Variants in ILDR1 observed in about 807,000 individuals in gnomAD.
ILDR1 encodes immunoglobulin like domain containing receptor 1.
A neutral mutation model predicts 62.4 loss-of-function variants in ILDR1; 56 were observed. The observed-to-expected ratio is 0.90, with a 90% CI of 0.72 to 1.12. The LOEUF (loss-of-function observed/expected upper bound fraction) is 1.12, where lower values mean the gene tolerates loss of function less well. ILDR1 is among the 50% of genes most tolerant of loss of function. ILDR1 has a pLI of 0.00. For missense variants in ILDR1, 736 were observed against 710.6 expected (o/e 1.04, Z -0.41); for synonymous variants, 284 against 277.8 (o/e 1.02, Z -0.22).
chr3:122,036,865 T>C, the ILDR1 span, among the ~76,000 whole-genome samples: 3 of 152,198 alleles, frequency 2.0e-5, no homozygotes, highest in Non-Finnish European at 4.4e-5. Context: ...CCAACTCCTC[T>C]GTGCAGCCTC....
At chr3:122,051,165 A>C in the ILDR1 span, among the ~76,000 whole-genome samples, 1 of 152,006 alleles carries the variant, frequency 6.6e-6, no homozygotes, top group African/African-American at 2.4e-5. Context: ...TCTGTAGTCC[A>C]TTTTCTCCCT....
At chr3:122,029,832 C>T in the ILDR1 span, among the ~76,000 whole-genome samples, 1 of 152,096 alleles carries the variant, frequency 6.6e-6, no homozygotes, top group African/African-American at 2.4e-5. Flanking sequence ...CTTGACATTT[C>T]CCCTGACATA....
the ILDR1 span, among the ~76,000 whole-genome samples, chr3:122,057,569 T>C: frequency 1.3e-5 from 2 of 152,328 alleles, no homozygotes; most frequent in South Asian, 4.1e-4. Context: ...CTTTTCAATT[T>C]GAATCCCATC....
At chr3:121,996,129 G>A (rs1303679362) in intron 5 of ILDR1, among the ~76,000 whole-genome samples, 1 of 152,100 alleles carries the variant, frequency 6.6e-6, no homozygotes, top group Non-Finnish European at 1.5e-5. Context: ...CCTACCCACT[G>A]TACCCCTTTA....
intron 1 of ILDR1, among the ~76,000 whole-genome samples, chr3:122,015,773 A>G (rs1481812234): frequency 1.3e-5 from 2 of 152,186 alleles, no homozygotes; most frequent in Non-Finnish European, 2.9e-5. Flanking sequence ...ACAGTCTACA[A>G]TCAGATTGGG....
At chr3:121,994,665 C>T (rs2071411071) in intron 5 of ILDR1, among the ~76,000 whole-genome samples, 1 of 152,142 alleles carries the variant, frequency 6.6e-6, no homozygotes. Flanking sequence ...GGGCCATAGG[C>T]CAATAAAACT....
chr3:121,999,161 G>C (rs913474220), intron 5 of ILDR1, among the ~76,000 whole-genome samples: 9 of 152,224 alleles, frequency 5.9e-5, no homozygotes, highest in Admixed American at 5.2e-4. Context: ...TGTAGATCAG[G>C]TTTTGTTTCT....
At chr3:122,028,291 G>A in the ILDR1 span, among the ~76,000 whole-genome samples, 2 of 136,864 alleles carry the variant, frequency 1.5e-5, no homozygotes, top group Non-Finnish European at 3.0e-5. Flanking sequence ...AGCCGCGATC[G>A]CACCACTGCA....
the ILDR1 span, among the ~76,000 whole-genome samples, chr3:122,046,107 A>C: frequency 6.6e-6 from 1 of 151,320 alleles, no homozygotes; most frequent in Admixed American, 6.6e-5. Context: ...CTTTTAGGGC[A>C]GGCCTAGTGG....
chr3:122,001,184 C>A, intron 5 of ILDR1, 124 bp downstream of exon 5: 2 of 1,138,022 alleles, frequency 1.8e-6, no homozygotes, highest in South Asian at 2.7e-5. Flanking sequence ...TCCTCTGTCC[C>A]TATGATGGGA....
At chr3:122,007,903 AT>A (rs1243288226) in intron 1 of ILDR1, among the ~76,000 whole-genome samples, 2 of 151,946 alleles carry the variant, frequency 1.3e-5, no homozygotes, top group Admixed American at 6.6e-5. Context: ...GGGCCTCCCT[AT>A]TTTTTTCCTA....
At chr3:122,010,201 T>C (rs2071683597) in intron 1 of ILDR1, among the ~76,000 whole-genome samples, 1 of 152,108 alleles carries the variant, frequency 6.6e-6, no homozygotes, top group African/African-American at 2.4e-5. Flanking sequence ...TCTAGCTGTG[T>C]CTCCAGCTTT....
chr3:122,018,048 A>T (rs1361321619), intron 1 of ILDR1, among the ~76,000 whole-genome samples: 1 of 152,248 alleles, frequency 6.6e-6, no homozygotes, highest in Non-Finnish European at 1.5e-5. Flanking sequence ...CTGGGCATAT[A>T]TCCAAAGGAT....
At chr3:122,035,551 C>A in the ILDR1 span, among the ~76,000 whole-genome samples, 2 of 152,128 alleles carry the variant, frequency 1.3e-5, no homozygotes, top group Non-Finnish European at 2.9e-5. Context: ...GGGCAGATTT[C>A]CTCCTTGCTA....
intron 1 of ILDR1, among the ~76,000 whole-genome samples, chr3:122,021,126 T>A (rs182515835): frequency 1.9e-4 from 29 of 152,264 alleles, no homozygotes; most frequent in African/African-American, 6.5e-4. Context: ...GACCTTCCAC[T>A]GACAACTTAG....
chr3:122,030,320 G>A, the ILDR1 span, among the ~76,000 whole-genome samples: 1 of 151,648 alleles, frequency 6.6e-6, no homozygotes, highest in African/African-American at 2.4e-5. Flanking sequence ...CACCTCCTTT[G>A]ACAACATGAA....
chr3:122,037,941 T>C, the ILDR1 span, among the ~76,000 whole-genome samples: 1 of 151,348 alleles, frequency 6.6e-6, no homozygotes, highest in Admixed American at 6.5e-5. Flanking sequence ...TCTCTCTGTC[T>C]CTCTGTCTCT....
intron 5 of ILDR1, among the ~76,000 whole-genome samples, chr3:121,997,644 C>T (rs552722653): frequency 5.3e-5 from 8 of 152,126 alleles, no homozygotes; most frequent in African/African-American, 9.7e-5. Context: ...AAATCTCCCT[C>T]GACTTCACTT....
chr3:122,026,496 A>G (rs187090174), upstream of ILDR1, among the ~76,000 whole-genome samples: 8 of 152,368 alleles, frequency 5.3e-5, no homozygotes, highest in East Asian at 1.5e-3. Context: ...TTTAATGAAC[A>G]TAAACATATA....
Sources: allele counts gnomAD v4.1 joint callset (sites outside exome capture counted in the v4.1 genomes callset), GRCh38; gene constraint gnomAD v4.1.1; transcripts MANE v1.5; gene names NCBI Gene and HGNC (gene_info 2026-07-23, HGNC 2026-07-21).